Variants in DNAH6 observed in about 807,000 individuals in gnomAD.
The protein encoded by DNAH6 is axonemal beta dynein heavy chain 6.
In DNAH6, 340 loss-of-function variants were observed where a neutral mutation model predicts 491.4. The ratio of observed to expected loss-of-function variants is 0.69; its 90% CI spans 0.63 to 0.76. DNAH6 has a LOEUF of 0.76. Ranked by LOEUF, DNAH6 falls within the 30% of genes least tolerant of loss-of-function variation. DNAH6 has a pLI of 0.00. For missense variants in DNAH6, 4,443 were observed against 4,972.2 expected, an observed-to-expected ratio of 0.89 and a Z score of 3.20; for synonymous variants, 1,603 against 1,686.1, an observed-to-expected ratio of 0.95 and a Z score of 1.21.
chr2:84,766,458 C>T (rs1384197200), intron 64 of DNAH6, among the ~76,000 whole-genome samples: 2 of 152,006 alleles, frequency 1.3e-5, no homozygotes, highest in South Asian at 2.1e-4. Flanking sequence ...TGGGAATTTC[C>T]GTAAGTGGAA....
intron 11 of DNAH6, among the ~76,000 whole-genome samples, chr2:84,564,895 T>C (rs1419490436): frequency 1.3e-5 from 2 of 152,182 alleles, no homozygotes; most frequent in Non-Finnish European, 2.9e-5. Context: ...GATTTTATCA[T>C]GAAGGGATGT....
chr2:84,761,017 CAT>C (rs1438626723), intron 63 of DNAH6, among the ~76,000 whole-genome samples: 1 of 152,182 alleles, frequency 6.6e-6, no homozygotes, highest in Non-Finnish European at 1.5e-5. Context: ...TAATTGCACT[CAT>C]ATGTTTATCA....
intron 11 of DNAH6, among the ~76,000 whole-genome samples, chr2:84,570,777 G>T (rs917350245): frequency 6.6e-6 from 1 of 152,140 alleles, no homozygotes; most frequent in Non-Finnish European, 1.5e-5. Context: ...AACCCACTCG[G>T]GTCCCCTTCC....
intron 33 of DNAH6, among the ~76,000 whole-genome samples, chr2:84,645,963 T>C (rs1031491698): frequency 3.9e-5 from 6 of 152,234 alleles, no homozygotes; most frequent in African/African-American, 1.4e-4. Context: ...CAGGCATACC[T>C]CATTTTATTT....
intron 18 of DNAH6, among the ~76,000 whole-genome samples, chr2:84,598,195 T>A (rs2104217173): frequency 7.1e-6 from 1 of 140,144 alleles, no homozygotes; most frequent in African/African-American, 2.6e-5. Flanking sequence ...TTCTTTTCTT[T>A]CTTTCTTTCT....
At chr2:84,550,205 G>A (rs1679194730) in intron 9 of DNAH6, 148 bp downstream of exon 9, 2 of 648,126 alleles carry the variant, frequency 3.1e-6, no homozygotes, top group South Asian at 4.8e-5. Flanking sequence ...GGACACCAGA[G>A]ACCAGTTTCA....
intron 42 of DNAH6, among the ~76,000 whole-genome samples, chr2:84,684,393 A>T (rs6547578): frequency 0.68 from 103,436 of 152,096 alleles, 36,837 homozygotes; most frequent in East Asian, 0.89. Flanking sequence ...GACGCATCAT[A>T]AAATACACAG....
intron 56 of DNAH6, 31 bp downstream of exon 56, chr2:84,710,443 G>A: frequency 6.5e-7 from 1 of 1,549,106 alleles, no homozygotes. Context: ...TCTCATGTCA[G>A]TTCCCAACTT....
At chr2:84,757,005 G>A (rs1330178345) in intron 63 of DNAH6, among the ~76,000 whole-genome samples, 1 of 152,178 alleles carries the variant, frequency 6.6e-6, no homozygotes, top group Non-Finnish European at 1.5e-5. Context: ...GGAAGAGATT[G>A]ACCATTCTCT....
At chr2:84,506,411 G>C in the DNAH6 span, among the ~76,000 whole-genome samples, 1 of 152,002 alleles carries the variant, frequency 6.6e-6, no homozygotes, top group Non-Finnish European at 1.5e-5. Flanking sequence ...TTTTTGATGG[G>C]GTTGTTTGTT....
chr2:84,813,248 A>G, intron 74 of DNAH6, 118 bp downstream of exon 74: 2 of 748,396 alleles, frequency 2.7e-6, no homozygotes, highest in Non-Finnish European at 4.5e-6. Flanking sequence ...GCTATTGATC[A>G]TAGGGCAATC....
intron 18 of DNAH6, among the ~76,000 whole-genome samples, chr2:84,597,326 T>A (rs1684697311): frequency 6.6e-6 from 1 of 152,176 alleles, no homozygotes; most frequent in South Asian, 2.1e-4. Context: ...GAATACACAC[T>A]TCCCCAAAGA....
At chr2:84,648,856 T>C (rs571002893) in intron 33 of DNAH6, among the ~76,000 whole-genome samples, 1 of 152,380 alleles carries the variant, frequency 6.6e-6, no homozygotes, top group South Asian at 2.1e-4. Flanking sequence ...CTGACTTCAA[T>C]TTTGAAAGAA....
the DNAH6 span, among the ~76,000 whole-genome samples, chr2:84,482,286 G>C: frequency 1.3e-5 from 2 of 152,166 alleles, no homozygotes; most frequent in Admixed American, 1.3e-4. Flanking sequence ...CACACTTCTT[G>C]GCTCAAGGAA....
chr2:84,505,959 TG>T, the DNAH6 span, among the ~76,000 whole-genome samples: 2 of 152,242 alleles, frequency 1.3e-5, no homozygotes, highest in Non-Finnish European at 1.5e-5. Flanking sequence ...AGTCAATCAT[TG>T]TTGGACATTT....
intron 18 of DNAH6, among the ~76,000 whole-genome samples, chr2:84,602,402 A>G (rs946326130): frequency 3.7e-5 from 5 of 136,558 alleles, no homozygotes; most frequent in Admixed American, 1.5e-4. Context: ...ATTTGGAGGT[A>G]TTCTTTTCTT....
chr2:84,700,794 G>T (rs1558929556), intron 48 of DNAH6, among the ~76,000 whole-genome samples: 1 of 152,154 alleles, frequency 6.6e-6, no homozygotes, highest in Non-Finnish European at 1.5e-5. Context: ...TAACATATAT[G>T]ATTTATTTAT....
At chr2:84,653,982 T>TTG in intron 34 of DNAH6, 108 bp downstream of exon 34, 1 of 885,984 alleles carries the variant, frequency 1.1e-6, no homozygotes, top group East Asian at 2.7e-5. Context: ...ATGTCTATTA[T>TTG]TGTGTTCTGT....
chr2:84,786,101 A>AGAATGAATGAATGAATGAAT (rs3062234), intron 67 of DNAH6, among the ~76,000 whole-genome samples: 1 of 150,246 alleles, frequency 6.7e-6, no homozygotes, highest in African/African-American at 2.5e-5. Flanking sequence ...AGAGAAAGAA[A>AGAATGAATGAATGAATGAAT]GAATGAATGA....
Sources: allele counts gnomAD v4.1 joint callset (sites outside exome capture counted in the v4.1 genomes callset), GRCh38; gene constraint gnomAD v4.1.1; transcripts MANE v1.5; gene names NCBI Gene and HGNC (gene_info 2026-07-23, HGNC 2026-07-21).